Variants in PHAF1 observed in about 807,000 individuals in gnomAD.
The protein encoded by PHAF1 is phagophore assembly factor 1, also known as phagosome assembly factor 1.
PHAF1 carries 23 observed loss-of-function variants against 63.1 expected under a neutral mutation model. The ratio of observed to expected loss-of-function variants is 0.36; its 90% CI spans 0.26 to 0.52. The LOEUF (loss-of-function observed/expected upper bound fraction) is 0.52. Ranked by LOEUF, PHAF1 falls within the 20% of genes least tolerant of loss-of-function variation. The probability of loss-of-function intolerance (pLI) is 0.93; values close to 1 mark genes in which losing one functional copy is unlikely to be tolerated. For missense variants in PHAF1, 427 were observed against 517.2 expected, an observed-to-expected ratio of 0.83 and a Z score of 1.69; for synonymous variants, 167 against 185.0, an observed-to-expected ratio of 0.90 and a Z score of 0.79.
At chr16:67,126,422 C>T (rs1025343877) in intron 3 of PHAF1, among the ~76,000 whole-genome samples, 1 of 152,008 alleles carries the variant, frequency 6.6e-6, no homozygotes, top group African/African-American at 2.4e-5. Context: ...ACTGTTCTTC[C>T]TAGAATGCTG....
intron 15 of PHAF1, 132 bp downstream of exon 15, chr16:67,146,482 G>A (rs1010788021): frequency 5.4e-5 from 51 of 940,930 alleles, no homozygotes; most frequent in Middle Eastern, 6.0e-4. Flanking sequence ...TTCAGCAACC[G>A]TGTCTGCTGC....
At chr16:67,120,973 T>C (rs1597189398) in intron 2 of PHAF1, among the ~76,000 whole-genome samples, 1 of 152,194 alleles carries the variant, frequency 6.6e-6, no homozygotes, top group Admixed American at 6.5e-5. Context: ...ACAGTCAGAA[T>C]TGGGCCTGTT....
intron 6 of PHAF1, among the ~76,000 whole-genome samples, chr16:67,133,944 C>CA (rs1046935295): frequency 1.0e-4 from 15 of 144,426 alleles, no homozygotes; most frequent in East Asian, 2.0e-4. Context: ...GACTCCGTCT[C>CA]AAAAAAAAAG....
chr16:67,146,000 TGAGA>T (rs2145894495), intron 14 of PHAF1, among the ~76,000 whole-genome samples: 1 of 152,300 alleles, frequency 6.6e-6, no homozygotes, highest in Non-Finnish European at 1.5e-5. Flanking sequence ...CCATGCTGCC[TGAGA>T]TTCTCTCACT....
intron 8 of PHAF1, among the ~76,000 whole-genome samples, chr16:67,138,900 G>C (rs1963700618): frequency 6.6e-6 from 1 of 152,054 alleles, no homozygotes; most frequent in South Asian, 2.1e-4. Context: ...TCTCTGGTTA[G>C]GGGTTACCAT....
intron 8 of PHAF1, among the ~76,000 whole-genome samples, chr16:67,138,118 G>T (rs1245191554): frequency 6.6e-6 from 1 of 152,080 alleles, no homozygotes; most frequent in Non-Finnish European, 1.5e-5. Flanking sequence ...CAAGCAGAGG[G>T]AGACAGAAGA....
intron 1 of PHAF1, among the ~76,000 whole-genome samples, chr16:67,111,072 C>G (rs8052623): frequency 0.036 from 5,541 of 152,252 alleles, 341 homozygotes; most frequent in African/African-American, 0.12. Context: ...CCTCGGCCTC[C>G]CAAAGTGCTG....
At chr16:67,112,037 A>T (rs1374644100) in intron 1 of PHAF1, among the ~76,000 whole-genome samples, 1 of 152,190 alleles carries the variant, frequency 6.6e-6, no homozygotes, top group East Asian at 1.9e-4. Flanking sequence ...CTCGTGAAGC[A>T]CTAAGAGCTT....
chr16:67,144,716 G>A, intron 11 of PHAF1, 118 bp from the exon 12 acceptor site: 1 of 1,199,558 alleles, frequency 8.3e-7, no homozygotes, highest in Non-Finnish European at 1.2e-6. Flanking sequence ...CAGGCACTCA[G>A]AGCCAGGGCT....
chr16:67,147,124 T>G lies in PHAF1; in HGVS notation c.1262T>G (p.Leu421Arg), dbSNP rs1341393171. 32 of 1,611,094 alleles carry G rather than the reference T, an allele frequency of 2.0e-5. No individual in the cohort carries two copies. In the East Asian group the frequency reaches 7.1e-4, roughly 36 times the overall value. The change falls in exon 16 of 16, where the codon CTC becomes CGC. Residue 421 changes from leucine to arginine, a missense_variant. Physicochemically the swap from Leu to Arg is moderately radical, Grantham distance 102 (BLOSUM62 -2). Transcript: ENST00000219139. ...RPGSHLRTAE[L>R]P is the part of the protein sequence containing the mutation. The stretch of plus-strand genomic sequence containing the variant: ...GGTAGCCACCTGAGAACAGCGGAAC[T>G]CCCCTAGGGACACCACCACCCATGC...
At chr16:67,131,392 TC>T in intron 4 of PHAF1, 63 bp downstream of exon 4, 6 of 1,194,588 alleles carry the variant, frequency 5.0e-6, no homozygotes, top group Non-Finnish European at 7.2e-6. Context: ...TCTACTATCT[TC>T]ATAAGTTAGT....
At chr16:67,130,969 A>G (rs772010197) in intron 3 of PHAF1, among the ~76,000 whole-genome samples, 28 of 152,248 alleles carry the variant, frequency 1.8e-4, no homozygotes, top group Non-Finnish European at 2.9e-4. Context: ...CAAAATAACA[A>G]AGGACTGTCA....
chr16:67,119,348 T>C (rs924575714), intron 1 of PHAF1, among the ~76,000 whole-genome samples: 4 of 152,188 alleles, frequency 2.6e-5, no homozygotes, highest in Non-Finnish European at 5.9e-5. Context: ...AGGAAGACTT[T>C]TTGTATATTC....
rs1211440912 is a variant in PHAF1 at position 67,146,477 on chromosome 16, C to T, written c.1182+127C>T. 3 of 981,366 alleles carry T rather than the reference C, an allele frequency of 3.1e-6. No homozygotes were observed. The Admixed American group carries it at 5.3e-5, about 17-fold the overall frequency. 60.8% of individuals were successfully genotyped at this position (981,366 alleles called of 1,614,324 possible). ...AGTGGGCAGATTCATCCTTCTTCAG[C>T]AACCGTGTCTGCTGCATACCTGGCC... is the stretch of plus-strand genomic sequence containing the variant. On this transcript the variant is annotated intron_variant, in intron 15 of 15. Transcript: ENST00000219139.
intron 10 of PHAF1, among the ~76,000 whole-genome samples, chr16:67,142,087 G>A (rs948826646): frequency 6.6e-6 from 1 of 152,218 alleles, no homozygotes; most frequent in African/African-American, 2.4e-5. Flanking sequence ...GACCCATGGT[G>A]GGTAGCTCTT....
intron 3 of PHAF1, 72 bp downstream of exon 3, chr16:67,126,114 A>T: frequency 8.6e-7 from 1 of 1,169,214 alleles, no homozygotes; most frequent in East Asian, 2.4e-5. Context: ...AGTATGTGCT[A>T]TTGTGAGATG....
rs772447538 is a variant in PHAF1, at chr16:67,132,896, G to T, written c.435G>T (p.Glu145Asp). 1 of 1,610,912 alleles carries T rather than the reference G, an allele frequency of 6.2e-7. No homozygotes were observed. The highest frequency in any genetic ancestry group is 8.5e-7 in the Non-Finnish European group (1 of 1,177,062). The change falls in exon 6 of 16, where the codon GAG becomes GAT. Residue 145 changes from glutamate (E) to aspartate (D), a missense_variant. By Grantham distance (45) the Glu-to-Asp change is conservative. Coordinates refer to ENST00000219139, the MANE Select transcript of PHAF1 (RefSeq NM_025187.5). Reference sequence around the variant, plus strand: ...CTTTTCAGTTAGACTCATGGACTGAGGCTCCAAAGTATGAGGTTAGCCCTT... The same window carrying T: ...CTTTTCAGTTAGACTCATGGACTGATGCTCCAAAGTATGAGGTTAGCCCTT... ...SFSFQLDSWT[E>D]APKYEPNFAH...
At chr16:67,131,060 C>T (rs1963372933) in intron 3 of PHAF1, among the ~76,000 whole-genome samples, 1 of 152,074 alleles carries the variant, frequency 6.6e-6, no homozygotes, top group Non-Finnish European at 1.5e-5. Context: ...TGAGACCAGC[C>T]TGGGCAACAT....
intron 2 of PHAF1, among the ~76,000 whole-genome samples, chr16:67,123,393 A>G (rs954119447): frequency 3.3e-5 from 5 of 151,570 alleles, no homozygotes; most frequent in African/African-American, 1.2e-4. Flanking sequence ...CCTGGCCAAC[A>G]TGGTGAAACC....
Sources: allele counts gnomAD v4.1 joint callset (sites outside exome capture counted in the v4.1 genomes callset), GRCh38; gene constraint gnomAD v4.1.1; transcripts MANE v1.5; gene names NCBI Gene and HGNC (gene_info 2026-07-23, HGNC 2026-07-21).